The following PDE4B variants were observed in gnomAD, a reference collection of about 807,000 sequenced individuals.
PDE4B encodes the protein phosphodiesterase 4B.
Under a neutral mutation model 82.2 loss-of-function variants are expected in PDE4B, and 20 were observed. The ratio of observed to expected loss-of-function variants is 0.24; its 90% CI spans 0.17 to 0.35. The LOEUF (loss-of-function observed/expected upper bound fraction) is 0.35, where lower values mean the gene tolerates loss of function less well. PDE4B is among the 10% of genes least tolerant of loss of function. The pLI, the probability that PDE4B is intolerant of heterozygous loss-of-function variation, is 1.00. For missense variants in PDE4B, 655 were observed against 907.2 expected (o/e 0.72, Z 3.57); for synonymous variants, 320 against 318.9 (o/e 1.00, Z -0.04).
At chr1:66,370,150 CAAA>C (rs752920376) in intron 16 of PDE4B, among the ~76,000 whole-genome samples, 2,237 of 28,606 alleles carry the variant, frequency 0.078, 75 homozygotes, top group African/African-American at 0.19. Flanking sequence ...GACTCTATCT[CAAA>C]AAAAAAAAAA....
In PDE4B at chr1:66,328,319, G is replaced by A. The variant is rs1035040606; in HGVS notation, c.635-4189G>A. Among the ~76,000 whole-genome samples, 12 of 152,276 alleles carry A rather than the reference G, an allele frequency of 7.9e-5. 2 individuals are homozygous for A. The highest frequency in any genetic ancestry group is 1.9e-4 in the East Asian group (1 of 5,186). ...CTTCCCTCTGGAAGTTTTTGAAAGC[G>A]AAGTTCAACTGCATGACCATACATG... On this transcript the variant is annotated intron_variant, in intron 7 of 16. Transcript: ENST00000341517.
intron 3 of PDE4B, among the ~76,000 whole-genome samples, chr1:66,096,719 A>G (rs981552443): frequency 1.2e-4 from 18 of 151,478 alleles, no homozygotes; most frequent in Admixed American, 6.6e-5. Context: ...CTATATTTCT[A>G]TTGGGCAATG....
intron 3 of PDE4B, among the ~76,000 whole-genome samples, chr1:65,985,670 C>T (rs1251981500): frequency 2.6e-5 from 4 of 152,110 alleles, no homozygotes; most frequent in Non-Finnish European, 5.9e-5. Flanking sequence ...ACAGCTTCCC[C>T]TTCCATTTAG....
intron 7 of PDE4B, among the ~76,000 whole-genome samples, chr1:66,296,624 T>A (rs1363922519): frequency 1.3e-5 from 2 of 152,136 alleles, no homozygotes; most frequent in Non-Finnish European, 2.9e-5. Flanking sequence ...TGGTTAGGAT[T>A]GTGTGAGTGT....
chr1:65,945,039 G>T (rs190426497), intron 3 of PDE4B, among the ~76,000 whole-genome samples: 1 of 152,120 alleles, frequency 6.6e-6, no homozygotes, highest in East Asian at 1.9e-4. Flanking sequence ...CACATATATT[G>T]CAAGGAGAGT....
At chr1:65,862,883 G>T (rs896424846) in intron 1 of PDE4B, among the ~76,000 whole-genome samples, 2 of 152,072 alleles carry the variant, frequency 1.3e-5, no homozygotes, top group Admixed American at 1.3e-4. Context: ...ATTTCTGAGG[G>T]ATCAGTGGTG....
Position 65,833,653 on chromosome 1 carries a change from G to A in PDE4B, c.-71+40405G>A, listed in dbSNP as rs188532519. The stretch of plus-strand genomic sequence containing the variant: ...TTTTGATTCTTAGGCCTCTTCCAAT[G>A]GATAACCTCTTCTATTATTCTTTAT... On this transcript the variant is annotated intron_variant, in intron 1 of 16. Transcript: ENST00000341517. Among the ~76,000 whole-genome samples the A allele has an allele frequency of 3.9e-5, 6 of 152,134 alleles. No individual in the cohort carries two copies. In the East Asian group the frequency reaches 1.2e-3, roughly 29 times the overall value.
At chr1:66,103,216 T>A (rs889259921) in intron 3 of PDE4B, among the ~76,000 whole-genome samples, 1 of 152,122 alleles carries the variant, frequency 6.6e-6, no homozygotes, top group Non-Finnish European at 1.5e-5. Flanking sequence ...TTGTTGAGCA[T>A]TGTGGGGTAA....
At position 65,918,640 on chromosome 1, in the gene PDE4B, G is replaced by T; in HGVS notation, c.86G>T (p.Ser29Ile). 6.2e-7 allele frequency: 1 copy of T among 1,613,296 alleles called. No individual in the cohort carries two copies. Among genetic ancestry groups the T allele is most frequent in the Non-Finnish European group, 8.5e-7 (1 of 1,179,252 alleles). Reference sequence around the variant, plus strand: ...GAATGTAGCTTGAGTAAATCCTACAGTTCTTCCAGTAACACACTTGGGATC... The same window carrying T: ...GAATGTAGCTTGAGTAAATCCTACATTTCTTCCAGTAACACACTTGGGATC... The part of the protein sequence containing the change: ...YFECSLSKSY[S>I]SSSNTLGIDL... The change falls in exon 3 of 17, where the codon AGT becomes ATT. Residue 29 changes from serine to isoleucine, a missense_variant. Ser to Ile is a moderately radical substitution (Grantham distance 142). Transcript: ENST00000341517.
intron 1 of PDE4B, among the ~76,000 whole-genome samples, chr1:65,868,807 G>C (rs1230186823): frequency 1.3e-5 from 2 of 152,182 alleles, no homozygotes; most frequent in Non-Finnish European, 2.9e-5. Flanking sequence ...TTTCATAGGA[G>C]TGCAAACCCT....
chr1:65,933,588 G>A (rs1488800351), intron 3 of PDE4B, among the ~76,000 whole-genome samples: 1 of 152,090 alleles, frequency 6.6e-6, no homozygotes, highest in Non-Finnish European at 1.5e-5. Flanking sequence ...CAGCTACTTG[G>A]GAGGCTGAGG....
intron 4 of PDE4B, among the ~76,000 whole-genome samples, chr1:66,248,143 A>G (rs774657119): frequency 6.6e-6 from 1 of 152,134 alleles, no homozygotes; most frequent in Non-Finnish European, 1.5e-5. Context: ...AAACTTTAAC[A>G]CAATGCCCAC....
intron 4 of PDE4B, among the ~76,000 whole-genome samples, chr1:66,250,636 C>T (rs1245839675): frequency 6.6e-6 from 1 of 152,178 alleles, no homozygotes; most frequent in African/African-American, 2.4e-5. Context: ...CTAGATGTGG[C>T]AATAGTTTGC....
chr1:66,122,703 CTTTTTT>C (rs3036785), intron 3 of PDE4B, among the ~76,000 whole-genome samples: 17 of 111,960 alleles, frequency 1.5e-4, no homozygotes, highest in African/African-American at 4.4e-4. Context: ...CTCTTCTTTT[CTTTTTT>C]TTTTTTTTTT....
chr1:66,109,119 G>A (rs973513339), intron 3 of PDE4B, among the ~76,000 whole-genome samples: 1 of 151,976 alleles, frequency 6.6e-6, no homozygotes, highest in Admixed American at 6.6e-5. Context: ...AGGATGTAGA[G>A]CCTGTGAAAC....
At chr1:66,267,391 T>C (rs1484048696) in intron 7 of PDE4B, 1 of 152,214 alleles carries the variant, frequency 6.6e-6, no homozygotes, top group Non-Finnish European at 1.5e-5. Context: ...CTCCAATCAT[T>C]TCATCATATT....
At chr1:65,847,559 A>C (rs892015855) in intron 1 of PDE4B, among the ~76,000 whole-genome samples, 1 of 152,166 alleles carries the variant, frequency 6.6e-6, no homozygotes, top group Non-Finnish European at 1.5e-5. Flanking sequence ...TCCCTTTGTG[A>C]TTATAGCAGA....
chr1:66,342,796 A>G (rs1464207687), intron 8 of PDE4B, among the ~76,000 whole-genome samples: 1 of 151,798 alleles, frequency 6.6e-6, no homozygotes, highest in Non-Finnish European at 1.5e-5. Flanking sequence ...GTAATCCCAA[A>G]ACTCTGGGAG....
intron 7 of PDE4B, among the ~76,000 whole-genome samples, chr1:66,327,466 T>G (rs56680317): frequency 0.011 from 1,708 of 152,342 alleles, 37 homozygotes; most frequent in African/African-American, 0.039. Flanking sequence ...AATTTTTGGC[T>G]TCTCTGCAAT....
Sources: allele counts gnomAD v4.1 joint callset (sites outside exome capture counted in the v4.1 genomes callset), GRCh38; gene constraint gnomAD v4.1.1; transcripts MANE v1.5; gene names NCBI Gene and HGNC (gene_info 2026-07-23, HGNC 2026-07-21).